PCDH9: variants seen among roughly 807,000 people sequenced by gnomAD.
The protein encoded by PCDH9 is protocadherin-9.
In PCDH9, 24 loss-of-function variants were observed where a neutral mutation model predicts 70.6. The observed-to-expected ratio is 0.34, with a 90% CI of 0.25 to 0.48. PCDH9 has a LOEUF of 0.48. PCDH9 is among the 20% of genes least tolerant of loss of function. The probability of loss-of-function intolerance (pLI) is 0.99; values close to 1 mark genes in which losing one functional copy is unlikely to be tolerated. For missense variants in PCDH9, 1,281 were observed against 1,503.6 expected, an observed-to-expected ratio of 0.85 and a Z score of 2.45; for synonymous variants, 562 against 558.5, an observed-to-expected ratio of 1.01 and a Z score of -0.09.
chr13:67,225,748 T>C lies in PCDH9; in HGVS notation c.2693A>G (p.Glu898Gly). The stretch of plus-strand genomic sequence containing the variant: ...CAGGCTTATTGTCCCATTGATAGGT[T>C]CATGAACTGCATCATCGGGTTTGGA... ...EESKPDDAVHEPINGTISLPA... is the reference protein window; with the variant it reads ...EESKPDDAVHGPINGTISLPA... The change falls in exon 2 of 5, where the codon GAA (glutamate) becomes GGA (glycine). Residue 898 changes from glutamate (E) to glycine (G), a missense_variant. Glu to Gly is a moderately conservative substitution (Grantham distance 98). Around this residue, in one of 4 missense-constraint regions of PCDH9, gnomAD observed 207 missense variants for 191.8 expected, o/e 1.08. Coordinates refer to ENST00000377865, the MANE Select transcript of PCDH9 (RefSeq NM_203487.3). 1 of 1,614,138 alleles carries C rather than the reference T, an allele frequency of 6.2e-7. No homozygotes were observed. Among genetic ancestry groups the C allele is most frequent in the Non-Finnish European group, 8.5e-7 (1 of 1,179,988 alleles).
chr13:66,347,141 A>G (rs1260074955), intron 4 of PCDH9, among the ~76,000 whole-genome samples: 2 of 152,218 alleles, frequency 1.3e-5, no homozygotes, highest in Non-Finnish European at 1.5e-5. Flanking sequence ...TGTACCTGGC[A>G]TGGAAAATTT....
intron 4 of PCDH9, among the ~76,000 whole-genome samples, chr13:66,625,986 T>C (rs1480610762): frequency 2.0e-5 from 3 of 152,122 alleles, no homozygotes; most frequent in Admixed American, 6.5e-5. Context: ...TTATAATTCA[T>C]TGATTAGATG....
At position 66,700,784 on chromosome 13, in the gene PCDH9, T is replaced by C. The variant is rs146460127; in HGVS notation, c.3139-69373A>G. ...TTTCTTATATACTGCAAGATTCTCATACAGACTTTCAAAATACATGTAAAA... is the reference window on the plus strand; with the variant it reads ...TTTCTTATATACTGCAAGATTCTCACACAGACTTTCAAAATACATGTAAAA... On this transcript the variant is annotated intron_variant, in intron 3 of 4. Coordinates refer to ENST00000377865, the MANE Select transcript of PCDH9 (RefSeq NM_203487.3). Among the ~76,000 whole-genome samples the C allele has an allele frequency of 2.4e-3, 362 of 151,924 alleles. 2 individuals carry two copies. Among genetic ancestry groups the C allele is most frequent in the African/African-American group, 8.2e-3 (342 of 41,464 alleles).
chr13:67,176,511 A>G (rs555707979), intron 2 of PCDH9, among the ~76,000 whole-genome samples: 1 of 147,168 alleles, frequency 6.8e-6, no homozygotes, highest in African/African-American at 2.5e-5. Context: ...TGGTTTTCAA[A>G]AATAAAAATA....
At chr13:66,378,680 A>G (rs1956791539) in intron 4 of PCDH9, among the ~76,000 whole-genome samples, 1 of 152,212 alleles carries the variant, frequency 6.6e-6, no homozygotes, top group African/African-American at 2.4e-5. Context: ...TATTCATTAA[A>G]TGTTATTACA....
At chr13:67,229,413 T>C (rs2089958891) in intron 1 of PCDH9, among the ~76,000 whole-genome samples, 1 of 152,214 alleles carries the variant, frequency 6.6e-6, no homozygotes, top group Non-Finnish European at 1.5e-5. Flanking sequence ...AAAAATGCAA[T>C]TTCTTAATCC....
intron 2 of PCDH9, among the ~76,000 whole-genome samples, chr13:67,016,853 G>A (rs1478081528): frequency 6.6e-6 from 1 of 152,140 alleles, no homozygotes; most frequent in African/African-American, 2.4e-5. Context: ...CACCATGTAA[G>A]CCTTCAAGAG....
At chr13:66,490,076 AC>A (rs1959008652) in intron 4 of PCDH9, among the ~76,000 whole-genome samples, 1 of 152,156 alleles carries the variant, frequency 6.6e-6, no homozygotes, top group Non-Finnish European at 1.5e-5. Context: ...GGTTTGGTGC[AC>A]CCATTAACTC....
chr13:66,886,153 T>C (rs1209324766), intron 3 of PCDH9: 1 of 152,170 alleles, frequency 6.6e-6, no homozygotes, highest in Non-Finnish European at 1.5e-5. Flanking sequence ...ATTAAACTTA[T>C]AAAAGGGAAT....
At chr13:66,922,359 C>T (rs1027818407) in intron 2 of PCDH9, among the ~76,000 whole-genome samples, 13 of 151,020 alleles carry the variant, frequency 8.6e-5, no homozygotes, top group African/African-American at 2.9e-4. Flanking sequence ...GAAGTATTTC[C>T]CTGCTTTATT....
rs569012712 is a variant in PCDH9, at chr13:66,722,678, C to A, written c.3139-91267G>T. 4.6e-5 allele frequency among the ~76,000 whole-genome samples: 7 copies of A among 152,178 alleles called. No homozygotes were observed. In the East Asian group the frequency reaches 9.7e-4, roughly 21 times the overall value. ...ACAAGCAGAAAAGAAAAAAATTAAA[C>A]ACCTATGTGCCGGGCGCGGTGGCTC... On this transcript the variant is annotated intron_variant, in intron 3 of 4. Transcript: ENST00000377865.
At chr13:67,125,924 T>G (rs774843021) in intron 2 of PCDH9, among the ~76,000 whole-genome samples, 7 of 152,148 alleles carry the variant, frequency 4.6e-5, no homozygotes, top group African/African-American at 1.4e-4. Flanking sequence ...CATTATCATG[T>G]ACCCTTCACT....
At chr13:66,613,703 G>A (rs984461990) in intron 4 of PCDH9, among the ~76,000 whole-genome samples, 1 of 152,152 alleles carries the variant, frequency 6.6e-6, no homozygotes, top group Admixed American at 6.5e-5. Flanking sequence ...TCCACCCAGC[G>A]ACTGGGTTTT....
At chr13:66,944,815 CTCTGTGTG>C (rs1169272589) in intron 2 of PCDH9, among the ~76,000 whole-genome samples, 5 of 60,072 alleles carry the variant, frequency 8.3e-5, no homozygotes, top group African/African-American at 4.0e-4. Context: ...TTCTAATCGT[CTCTGTGTG>C]TGTGTGTGTG....
intron 3 of PCDH9, among the ~76,000 whole-genome samples, chr13:66,813,514 G>A (rs2080548363): frequency 6.6e-6 from 1 of 150,720 alleles, no homozygotes; most frequent in Non-Finnish European, 1.5e-5. Context: ...AAGGAAGAAA[G>A]GAAGGAAGGA....
intron 2 of PCDH9, among the ~76,000 whole-genome samples, chr13:66,917,398 C>T (rs2082573731): frequency 6.6e-6 from 1 of 151,414 alleles, no homozygotes; most frequent in South Asian, 2.1e-4. Flanking sequence ...TCACCATATT[C>T]TAGAAACATT....
chr13:66,955,142 G>C (rs1293372193), intron 2 of PCDH9, among the ~76,000 whole-genome samples: 1 of 152,100 alleles, frequency 6.6e-6, no homozygotes, highest in Non-Finnish European at 1.5e-5. Context: ...ATTACTTAAA[G>C]CCTCTTGCCA....
intron 3 of PCDH9, among the ~76,000 whole-genome samples, chr13:66,677,890 T>G (rs2078266364): frequency 6.6e-6 from 1 of 152,154 alleles, no homozygotes; most frequent in African/African-American, 2.4e-5. Context: ...GAATAAATAT[T>G]TTAAAGTATG....
At chr13:66,725,990 A>G (rs1485168722) in intron 3 of PCDH9, among the ~76,000 whole-genome samples, 2 of 152,204 alleles carry the variant, frequency 1.3e-5, no homozygotes, top group Admixed American at 1.3e-4. Flanking sequence ...TAATGCCAAA[A>G]ATCACAATTA....
Sources: allele counts gnomAD v4.1 joint callset (sites outside exome capture counted in the v4.1 genomes callset), GRCh38; gene constraint gnomAD v4.1.1; regional missense constraint gnomAD v4.1.1; transcripts MANE v1.5; gene names NCBI Gene and HGNC (gene_info 2026-07-23, HGNC 2026-07-21).